GLIS3: variants seen among roughly 807,000 people sequenced by gnomAD.
GLIS3 encodes zinc finger protein GLIS3.
Under a neutral mutation model 78.6 loss-of-function variants are expected in GLIS3, and 53 were observed. That is an observed-to-expected ratio of 0.67 (90% confidence interval 0.54 to 0.85). The LOEUF (loss-of-function observed/expected upper bound fraction) is 0.85. GLIS3 is among the 40% of genes least tolerant of loss of function. GLIS3 has a pLI of 0.00. For synonymous variants in GLIS3, 684 were observed against 509.9 expected (o/e 1.34, Z -4.60); for missense variants, 1,703 against 1,231.1 (o/e 1.38, Z -5.74).
chr9:4,033,339 T>G (rs1824010789), intron 4 of GLIS3, among the ~76,000 whole-genome samples: 1 of 151,976 alleles, frequency 6.6e-6, no homozygotes, highest in South Asian at 2.1e-4. Flanking sequence ...GCGCACCCAC[T>G]TCAGGAAGAT....
intron 2 of GLIS3, among the ~76,000 whole-genome samples, chr9:4,245,259 T>C (rs1823696840): frequency 6.6e-6 from 1 of 152,244 alleles, no homozygotes; most frequent in South Asian, 2.1e-4. Context: ...TATTATTATG[T>C]CTTTCAGAGA....
At chr9:4,303,739 A>G (rs1347969701), upstream of GLIS3, among the ~76,000 whole-genome samples, 1 of 152,194 alleles carries the variant, frequency 6.6e-6, no homozygotes, top group Non-Finnish European at 1.5e-5. Flanking sequence ...TTCCTTTTTT[A>G]TACAAACCAA....
chr9:4,123,303 C>G (rs1037142835), intron 3 of GLIS3, among the ~76,000 whole-genome samples: 23 of 152,098 alleles, frequency 1.5e-4, no homozygotes, highest in African/African-American at 5.1e-4. Context: ...AAAACAGGCA[C>G]TCTCTTGGAC....
At chr9:4,225,838 G>C (rs568613640) in intron 2 of GLIS3, among the ~76,000 whole-genome samples, 13 of 152,316 alleles carry the variant, frequency 8.5e-5, no homozygotes, top group African/African-American at 3.1e-4. Context: ...GGGGAAGACT[G>C]CATATGCAAT....
intron 4 of GLIS3, among the ~76,000 whole-genome samples, chr9:4,088,661 A>C (rs1829242345): frequency 1.3e-5 from 2 of 152,226 alleles, no homozygotes; most frequent in South Asian, 4.1e-4. Context: ...ATGTATTCCT[A>C]ATGCCAGAGA....
At chr9:4,191,391 T>A (rs866070533) in intron 2 of GLIS3, among the ~76,000 whole-genome samples, 3 of 152,238 alleles carry the variant, frequency 2.0e-5, no homozygotes, top group Admixed American at 6.5e-5. Context: ...ATCATAATAA[T>A]GTCCACATAT....
At chr9:4,418,488 A>G in the GLIS3 span, among the ~76,000 whole-genome samples, 3 of 152,170 alleles carry the variant, frequency 2.0e-5, no homozygotes, top group African/African-American at 7.2e-5. Context: ...AAGTGGTGTA[A>G]AAACATATTG....
At chr9:4,417,227 T>G in the GLIS3 span, among the ~76,000 whole-genome samples, 11 of 152,306 alleles carry the variant, frequency 7.2e-5, no homozygotes, top group African/African-American at 2.6e-4. Context: ...GTTAAGTTTG[T>G]GATTTATCTA....
chr9:4,283,411 G>A lies in GLIS3; in HGVS notation c.388+2627C>T, dbSNP rs374005765. On this transcript the variant is annotated intron_variant, in intron 2 of 10. Coordinates refer to ENST00000381971, the MANE Select transcript of GLIS3 (RefSeq NM_001042413.2). ...CTCCCGAGTAGCTGGGATTACAGGC[G>A]CCCACCACCACACCCGGCTCATTTT... Among the ~76,000 whole-genome samples the A allele has an allele frequency of 4.7e-4, 72 of 151,938 alleles. 1 individual carries two copies. In the East Asian group the frequency reaches 0.011, roughly 23 times the overall value.
At chr9:3,928,783 G>A (rs1036884780) in intron 6 of GLIS3, among the ~76,000 whole-genome samples, 1 of 152,186 alleles carries the variant, frequency 6.6e-6, no homozygotes, top group African/African-American at 2.4e-5. Context: ...AGCCACAGTG[G>A]ATCATAGGTC....
chr9:4,170,363 G>A (rs1229047993), intron 2 of GLIS3, among the ~76,000 whole-genome samples: 2 of 152,198 alleles, frequency 1.3e-5, no homozygotes, highest in Non-Finnish European at 2.9e-5. Context: ...TGGCTAGGAT[G>A]AGTGAAGCTG....
At chr9:4,257,373 A>G (rs915766524) in intron 2 of GLIS3, among the ~76,000 whole-genome samples, 3 of 152,216 alleles carry the variant, frequency 2.0e-5, no homozygotes, top group Non-Finnish European at 4.4e-5. Flanking sequence ...AGGTGCAGTT[A>G]TGTAAAATAA....
intron 2 of GLIS3, among the ~76,000 whole-genome samples, chr9:4,328,194 C>G (rs10814940): frequency 0.15 from 22,118 of 152,174 alleles, 3,872 homozygotes; most frequent in African/African-American, 0.42. Context: ...AGACCCGAGA[C>G]TGACTAACCC....
At chr9:3,849,295 T>C (rs1197836983) in intron 9 of GLIS3, among the ~76,000 whole-genome samples, 1 of 152,232 alleles carries the variant, frequency 6.6e-6, no homozygotes, top group Non-Finnish European at 1.5e-5. Flanking sequence ...CTAGAGTGTT[T>C]GGCAGCCCCT....
At chr9:3,869,853 G>A (rs1820860875) in intron 8 of GLIS3, among the ~76,000 whole-genome samples, 1 of 152,154 alleles carries the variant, frequency 6.6e-6, no homozygotes, top group South Asian at 2.1e-4. Flanking sequence ...GCATATACAT[G>A]AAACAGATGA....
chr9:4,101,728 G>C (rs980224558), intron 4 of GLIS3, among the ~76,000 whole-genome samples: 1 of 152,128 alleles, frequency 6.6e-6, no homozygotes, highest in Non-Finnish European at 1.5e-5. Flanking sequence ...CTGCCGGCTT[G>C]ACATAGTTGT....
chr9:3,936,355 A>G (rs1245368162), intron 5 of GLIS3, among the ~76,000 whole-genome samples: 1 of 152,264 alleles, frequency 6.6e-6, no homozygotes, highest in Non-Finnish European at 1.5e-5. Context: ...GGGAATGAGC[A>G]AAATGTTGTA....
chr9:4,085,262 C>CT (rs35008355), intron 4 of GLIS3, among the ~76,000 whole-genome samples: 41 of 149,150 alleles, frequency 2.7e-4, no homozygotes, highest in Admixed American at 4.7e-4. Flanking sequence ...TCACTGATGG[C>CT]TTTTTTTTTT....
At chr9:4,396,810 GCCAGT>G in the GLIS3 span, among the ~76,000 whole-genome samples, 1 of 152,034 alleles carries the variant, frequency 6.6e-6, no homozygotes, top group African/African-American at 2.4e-5. Flanking sequence ...TAAAATTAGT[GCCAGT>G]CCATTGAGTT....
Sources: gnomAD v4.1 joint callset for allele counts (sites outside exome capture counted in the v4.1 genomes callset) on GRCh38, gnomAD v4.1.1 for gene constraint, MANE v1.5 for transcripts, NCBI Gene and HGNC (gene_info 2026-07-23, HGNC 2026-07-21) for gene names.